PFKP: variants seen among roughly 807,000 people sequenced by gnomAD.
The protein encoded by PFKP is phosphofructokinase, platelet.
Under a neutral mutation model 94.3 loss-of-function variants are expected in PFKP, and 101 were observed. The observed-to-expected ratio is 1.07, with a 90% CI of 0.91 to 1.26. PFKP has a LOEUF of 1.26. Among genes scored for constraint, PFKP ranks in the 50% most tolerant of loss-of-function variants. The probability of loss-of-function intolerance (pLI) is 0.00; values close to 1 mark genes in which losing one functional copy is unlikely to be tolerated. For synonymous variants in PFKP, 573 were observed against 432.6 expected, an observed-to-expected ratio of 1.32 and a Z score of -4.03; for missense variants, 1,145 against 1,103.3, an observed-to-expected ratio of 1.04 and a Z score of -0.53.
At chr10:3,083,858 G>A (rs1201066784) in intron 2 of PFKP, among the ~76,000 whole-genome samples, 1 of 152,120 alleles carries the variant, frequency 6.6e-6, no homozygotes, top group Non-Finnish European at 1.5e-5. Flanking sequence ...GGCCAGGCTG[G>A]TCTCGAACTC....
intron 1 of PFKP, among the ~76,000 whole-genome samples, chr10:3,079,810 A>G (rs1459289273): frequency 6.6e-6 from 1 of 152,180 alleles, no homozygotes; most frequent in African/African-American, 2.4e-5. Flanking sequence ...TCCTGGAACC[A>G]GAGCTGTGCG....
At chr10:3,115,602 G>A (rs1429965007) in intron 13 of PFKP, among the ~76,000 whole-genome samples, 1 of 152,212 alleles carries the variant, frequency 6.6e-6, no homozygotes, top group East Asian at 1.9e-4. Flanking sequence ...GTGAAGGTGT[G>A]TGTCCCGTGG....
At chr10:3,126,542 G>A (rs909701045) in intron 16 of PFKP, among the ~76,000 whole-genome samples, 8 of 152,210 alleles carry the variant, frequency 5.3e-5, no homozygotes, top group African/African-American at 1.4e-4. Context: ...GTTCCATGCT[G>A]TAGCAGGGAC....
rs11542779 is a variant in PFKP at position 3,109,435 on chromosome 10, C to T, written c.1044C>T (p.Asn348=). 4,987 of 1,608,294 alleles carry T rather than the reference C, an allele frequency of 3.1e-3. 137 individuals are homozygous for T. In the African/African-American group the frequency reaches 0.058, roughly 19 times the overall value. ...CCCCAGCTTGCGTCGTGTCACTGAA[C>T]GGGAACCACGCCGTGCGCCTGCCGC... ...PDTPACVVSL[N]GNHAVRLPLM... is the part of the protein sequence containing the mutation. Residue 348 remains asparagine, a synonymous_variant, in exon 10 of 22, where the codon AAC becomes AAT. Transcript: ENST00000381125.
chr10:3,110,321 T>C (rs7093888), intron 10 of PFKP, among the ~76,000 whole-genome samples: 149,702 of 150,980 alleles, frequency 0.99, 74,236 homozygotes, highest in Middle Eastern at 1. Flanking sequence ...GCCTCAGCCT[T>C]CCGAGTAGCT....
At chr10:3,104,865 G>A (rs569556507) in intron 5 of PFKP, 49 of 567,370 alleles carry the variant, frequency 8.6e-5, no homozygotes, top group African/African-American at 1.3e-4. Flanking sequence ...GGTGTCCAAC[G>A]TGCAACTGGA....
intron 2 of PFKP, among the ~76,000 whole-genome samples, chr10:3,088,925 C>T (rs2131465533): frequency 6.6e-6 from 1 of 152,134 alleles, no homozygotes. Flanking sequence ...CTTTTTATGC[C>T]TGGCTTATTT....
At chr10:3,091,142 G>T (rs1163359361) in intron 2 of PFKP, among the ~76,000 whole-genome samples, 1 of 152,144 alleles carries the variant, frequency 6.6e-6, no homozygotes, top group Non-Finnish European at 1.5e-5. Context: ...CTGCATTCCA[G>T]GGAGACTCGG....
chr10:3,100,529 G>A (rs1021521231), intron 3 of PFKP, among the ~76,000 whole-genome samples: 5 of 152,256 alleles, frequency 3.3e-5, no homozygotes, highest in African/African-American at 7.2e-5. Context: ...ATCGAAACAC[G>A]CACTCACGTC....
chr10:3,094,559 C>T (rs1482774356), intron 2 of PFKP, among the ~76,000 whole-genome samples: 3 of 152,102 alleles, frequency 2.0e-5, no homozygotes, highest in African/African-American at 4.8e-5. Flanking sequence ...GGGAGGTGAG[C>T]AGGGCTTGGG....
intron 2 of PFKP, among the ~76,000 whole-genome samples, chr10:3,093,688 G>C (rs550741597): frequency 6.4e-4 from 82 of 127,624 alleles, no homozygotes; most frequent in African/African-American, 2.2e-3. Flanking sequence ...CTGTCACCCA[G>C]GCTGGAGTGC....
At chr10:3,121,113 C>G (rs1837355363) in intron 16 of PFKP, among the ~76,000 whole-genome samples, 1 of 152,176 alleles carries the variant, frequency 6.6e-6, no homozygotes, top group Non-Finnish European at 1.5e-5. Context: ...ATGCTTAGCA[C>G]TCGTTTCTTG....
In PFKP at chr10:3,091,165, A is replaced by G. The variant is rs905722692; in HGVS notation, c.187-8110A>G. 4.5e-4 allele frequency among the ~76,000 whole-genome samples: 69 copies of G among 152,192 alleles called. 1 individual carries two copies. The highest frequency in any genetic ancestry group is 1.5e-4 in the Non-Finnish European group (10 of 68,038). ...CAGGGAGACTCGGGGAGGGTTTGCC[A>G]GTTAACCCATTCCTTTCTACCTGGT... On this transcript the variant is annotated intron_variant, in intron 2 of 21. Coordinates refer to ENST00000381125, the MANE Select transcript of PFKP (RefSeq NM_002627.5).
chr10:3,114,886 G>A (rs4881095), intron 13 of PFKP, among the ~76,000 whole-genome samples: 17,042 of 152,280 alleles, frequency 0.11, 1,112 homozygotes, highest in South Asian at 0.24. Context: ...CCCACACCAA[G>A]AGCTTTCTAA....
chr10:3,074,133 C>T (rs7088110), intron 1 of PFKP, among the ~76,000 whole-genome samples: 5,841 of 152,296 alleles, frequency 0.038, 353 homozygotes, highest in African/African-American at 0.13. Context: ...AGCCACTGCA[C>T]CCAGCCTTAT....
chr10:3,135,786 A>ATG lies in PFKP; in HGVS notation c.2173_2174insTG (p.Arg725MetfsTer12). The ATG allele has an allele frequency of 6.2e-7, 1 of 1,613,874 alleles. No homozygotes were observed. The highest frequency in any genetic ancestry group is 8.5e-7 in the Non-Finnish European group (1 of 1,179,790). ...CATTTGTGTGCTGGGAATAAGCAAA[A>ATG]GAAACGTTATTTTTCAACCTGTGGC... On this transcript the variant is annotated frameshift_variant, in exon 21 of 22. Coordinates refer to ENST00000381125, the MANE Select transcript of PFKP (RefSeq NM_002627.5). LOFTEE classifies it high-confidence loss of function.
At chr10:3,112,096 G>A in intron 10 of PFKP, 126 bp from the exon 11 acceptor site, 1 of 762,330 alleles carries the variant, frequency 1.3e-6, no homozygotes, top group Non-Finnish European at 2.3e-6. Context: ...TAACCCTGGG[G>A]CTGCTGGCTG....
In PFKP at chr10:3,120,047, A is replaced by C; in HGVS notation, c.1683+3A>C. ...CCGCCCTGAACACTATCACCGACGT[A>C]AGTCCGTGTGCGCCCTGCCAGGCGG... is the stretch of plus-strand genomic sequence containing the variant. On this transcript the variant is annotated splice_donor_region_variant and intron_variant, in intron 16 of 21. Transcript: ENST00000381125. The C allele has an allele frequency of 6.2e-7, 1 of 1,613,854 alleles. No homozygotes were observed. The highest frequency in any genetic ancestry group is 8.5e-7 in the Non-Finnish European group (1 of 1,179,958).
rs188117971 is a variant in PFKP, at chr10:3,098,044, A to T, written c.187-1231A>T. 3.7e-3 allele frequency among the ~76,000 whole-genome samples: 563 copies of T among 151,738 alleles called. 12 individuals carry two copies. Among genetic ancestry groups the T allele is most frequent in the African/African-American group, 0.013 (538 of 41,004 alleles). ...TAAAATAAACACACATATATATATA[A>T]TATTTCTGGTAGAAATTTATAAATA... On this transcript the variant is annotated intron_variant, in intron 2 of 21. Coordinates refer to ENST00000381125, the MANE Select transcript of PFKP (RefSeq NM_002627.5).
Sources: allele counts gnomAD v4.1 joint callset (sites outside exome capture counted in the v4.1 genomes callset), GRCh38; gene constraint gnomAD v4.1.1; transcripts MANE v1.5; gene names NCBI Gene and HGNC (gene_info 2026-07-23, HGNC 2026-07-21).